Variants in TUSC3 observed in about 807,000 individuals in gnomAD.
TUSC3 encodes tumor suppressor candidate 3.
In TUSC3, 45 loss-of-function variants were observed where a neutral mutation model predicts 44.8. That is an observed-to-expected ratio of 1.00 (90% confidence interval 0.79 to 1.29). The LOEUF (loss-of-function observed/expected upper bound fraction) is 1.29. Among genes scored for constraint, TUSC3 ranks in the 50% most tolerant of loss-of-function variants. The probability of loss-of-function intolerance (pLI) is 0.00; values close to 1 mark genes in which losing one functional copy is unlikely to be tolerated. For missense variants in TUSC3, 519 were observed against 437.9 expected, an observed-to-expected ratio of 1.19 and a Z score of -1.65; for synonymous variants, 212 against 152.9, an observed-to-expected ratio of 1.39 and a Z score of -2.85.
chr8:15,712,320 T>C (rs955000706), intron 6 of TUSC3, among the ~76,000 whole-genome samples: 1 of 152,008 alleles, frequency 6.6e-6, no homozygotes, highest in Non-Finnish European at 1.5e-5. Flanking sequence ...TGTATTATCA[T>C]TTTTCTGTTT....
chr8:15,617,266 A>C (rs1247897956), intron 1 of TUSC3, among the ~76,000 whole-genome samples: 1 of 150,846 alleles, frequency 6.6e-6, no homozygotes, highest in African/African-American at 2.4e-5. Context: ...CAGCCTCCTG[A>C]GTAGCTGGGA....
At chr8:15,632,114 C>G (rs1220312047) in intron 2 of TUSC3, among the ~76,000 whole-genome samples, 1 of 152,088 alleles carries the variant, frequency 6.6e-6, no homozygotes, top group Non-Finnish European at 1.5e-5. Context: ...TTGCATTTGT[C>G]TCCAAAATGT....
At chr8:15,782,443 C>T in the TUSC3 span, among the ~76,000 whole-genome samples, 1 of 152,138 alleles carries the variant, frequency 6.6e-6, no homozygotes, top group Non-Finnish European at 1.5e-5. Context: ...TGCACCACTG[C>T]ACTCGAGCCT....
intron 2 of TUSC3, among the ~76,000 whole-genome samples, chr8:15,644,767 A>G (rs1806553580): frequency 2.0e-5 from 3 of 151,804 alleles, no homozygotes; most frequent in Admixed American, 1.3e-4. Flanking sequence ...GGGCTCATTT[A>G]TTTATTTTTA....
intron 8 of TUSC3, among the ~76,000 whole-genome samples, chr8:15,747,775 T>G (rs559865699): frequency 6.6e-6 from 1 of 152,194 alleles, no homozygotes; most frequent in African/African-American, 2.4e-5. Context: ...AGTAACAATA[T>G]TTTGACACTA....
intron 6 of TUSC3, among the ~76,000 whole-genome samples, chr8:15,688,592 A>G (rs2111753): frequency 0.82 from 124,715 of 151,630 alleles, 51,823 homozygotes; most frequent in Non-Finnish European, 0.88. Context: ...CCTCAAGTAT[A>G]CCCTAGTATC....
At chr8:15,623,935 C>T (rs1805370639) in intron 2 of TUSC3, among the ~76,000 whole-genome samples, 1 of 152,096 alleles carries the variant, frequency 6.6e-6, no homozygotes, top group Non-Finnish European at 1.5e-5. Flanking sequence ...CACTTCTTGC[C>T]CTTTAAAGTC....
intron 9 of TUSC3, among the ~76,000 whole-genome samples, chr8:15,752,174 G>T (rs916299429): frequency 6.6e-6 from 1 of 152,044 alleles, no homozygotes; most frequent in Non-Finnish European, 1.5e-5. Context: ...CCAGAAGAAG[G>T]CTTGAATTAG....
chr8:15,710,214 C>T (rs1809787213), intron 6 of TUSC3, among the ~76,000 whole-genome samples: 1 of 151,830 alleles, frequency 6.6e-6, no homozygotes, highest in Non-Finnish European at 1.5e-5. Flanking sequence ...GTCTGTTTCT[C>T]CACCCTTCCT....
At chr8:15,679,489 G>A (rs184929726) in intron 6 of TUSC3, among the ~76,000 whole-genome samples, 2 of 152,074 alleles carry the variant, frequency 1.3e-5, no homozygotes, top group Admixed American at 6.6e-5. Context: ...TATAGATTCT[G>A]GATATTAGTC....
At chr8:15,671,497 G>GT (rs1384788392) in intron 5 of TUSC3, among the ~76,000 whole-genome samples, 2 of 151,984 alleles carry the variant, frequency 1.3e-5, no homozygotes, top group African/African-American at 4.8e-5. Context: ...GTTACTCAGT[G>GT]TTTTGTTGTT....
intron 1 of TUSC3, among the ~76,000 whole-genome samples, chr8:15,616,268 C>G (rs1467549185): frequency 6.6e-6 from 1 of 152,064 alleles, no homozygotes; most frequent in Non-Finnish European, 1.5e-5. Context: ...TAGAAATTTG[C>G]ATATTATATA....
the TUSC3 span, among the ~76,000 whole-genome samples, chr8:15,797,989 A>G: frequency 1.4e-4 from 22 of 152,174 alleles, no homozygotes; most frequent in African/African-American, 5.1e-4. Flanking sequence ...AAGTCCTTCA[A>G]CAGGCTATGA....
chr8:15,748,266 G>A (rs2129217579), intron 8 of TUSC3, 109 bp from the exon 9 acceptor site: 2 of 839,168 alleles, frequency 2.4e-6, no homozygotes, highest in Non-Finnish European at 4.1e-6. Context: ...TATGTACCAT[G>A]AACTGTTAAA....
At chr8:15,842,494 C>A in the TUSC3 span, among the ~76,000 whole-genome samples, 8 of 152,264 alleles carry the variant, frequency 5.3e-5, no homozygotes, top group African/African-American at 1.9e-4. Flanking sequence ...GTTTCTGGAT[C>A]AGAAGCAGAC....
chr8:15,517,104 G>T (rs1033109226), intron 2 of TUSC3, among the ~76,000 whole-genome samples: 1 of 152,166 alleles, frequency 6.6e-6, no homozygotes, highest in Non-Finnish European at 1.5e-5. Context: ...TTCAATGGGA[G>T]CTTTGCCAAG....
intron 1 of TUSC3, among the ~76,000 whole-genome samples, chr8:15,420,635 T>G (rs2129114996): frequency 6.6e-6 from 1 of 152,246 alleles, no homozygotes; most frequent in African/African-American, 2.4e-5. Context: ...TTTTCCTCTT[T>G]ACCTGAATTC....
chr8:15,781,122 G>A, the TUSC3 span, among the ~76,000 whole-genome samples: 11 of 152,282 alleles, frequency 7.2e-5, no homozygotes, highest in South Asian at 6.2e-4. Context: ...TTGCCCCAGC[G>A]ATGTAGATCC....
At chr8:15,841,536 T>TG in the TUSC3 span, among the ~76,000 whole-genome samples, 1 of 152,188 alleles carries the variant, frequency 6.6e-6, no homozygotes, top group Non-Finnish European at 1.5e-5. Flanking sequence ...TTTTTTTAGA[T>TG]GGCATCTTGC....
Sources: gnomAD v4.1 joint callset for allele counts (sites outside exome capture counted in the v4.1 genomes callset) on GRCh38, gnomAD v4.1.1 for gene constraint, MANE v1.5 for transcripts, NCBI Gene and HGNC (gene_info 2026-07-23, HGNC 2026-07-21) for gene names.